RAB11FIP4: variants seen among roughly 807,000 people sequenced by gnomAD.
RAB11FIP4 encodes RAB11 family interacting protein 4, also known as rab11 family-interacting protein 4.
Under a neutral mutation model 74.3 loss-of-function variants are expected in RAB11FIP4, and 23 were observed. The ratio of observed to expected loss-of-function variants is 0.31; its 90% CI spans 0.22 to 0.44. RAB11FIP4 has a LOEUF of 0.44. Among genes scored for constraint, RAB11FIP4 ranks in the 20% least tolerant of loss-of-function variants. RAB11FIP4 has a pLI of 1.00. For synonymous variants in RAB11FIP4, 360 were observed against 359.9 expected (o/e 1.00, Z 0.00); for missense variants, 630 against 863.9 (o/e 0.73, Z 3.39).
intron 3 of RAB11FIP4, among the ~76,000 whole-genome samples, chr17:31,462,091 C>T (rs1294898070): frequency 1.3e-5 from 2 of 151,990 alleles, no homozygotes; most frequent in Admixed American, 1.3e-4. Flanking sequence ...ATGAAACCCC[C>T]ATCTCTACTA....
At chr17:31,430,784 G>A (rs571518609) in intron 1 of RAB11FIP4, among the ~76,000 whole-genome samples, 3 of 152,282 alleles carry the variant, frequency 2.0e-5, no homozygotes, top group African/African-American at 7.2e-5. Flanking sequence ...CTATGACCAG[G>A]TGGGGCTCCT....
At chr17:31,418,317 G>A (rs1225180644) in intron 1 of RAB11FIP4, among the ~76,000 whole-genome samples, 1 of 152,156 alleles carries the variant, frequency 6.6e-6, no homozygotes, top group Admixed American at 6.5e-5. Flanking sequence ...GAACCCGGGA[G>A]GCGGAGGTTG....
chr17:31,488,015 A>T lies in RAB11FIP4; in HGVS notation c.337-29636A>T, dbSNP rs903962958. 160 of 1,002,682 alleles carry T rather than the reference A, an allele frequency of 1.6e-4. No individual in the cohort carries two copies. The African/African-American group carries it at 2.7e-3, about 17-fold the overall frequency. The allele number at this position is 1,002,682 out of a possible 1,614,324, so 62.1% of individuals were successfully genotyped here. On this transcript the variant is annotated intron_variant, in intron 3 of 14. Coordinates refer to ENST00000621161, the MANE Select transcript of RAB11FIP4 (RefSeq NM_032932.6). The stretch of plus-strand genomic sequence containing the variant: ...GCCCCGCCCCCGAGTCCCGGGGCCC[A>T]GGCGCCTCGTGATGTCACCGCAGCT...
At chr17:31,511,483 C>T (rs1029409171) in intron 3 of RAB11FIP4, among the ~76,000 whole-genome samples, 1 of 152,220 alleles carries the variant, frequency 6.6e-6, no homozygotes, top group Non-Finnish European at 1.5e-5. Flanking sequence ...CATCATACTG[C>T]AGTACAGTAT....
At chr17:31,412,965 A>G (rs1189669191) in intron 1 of RAB11FIP4, among the ~76,000 whole-genome samples, 2 of 152,202 alleles carry the variant, frequency 1.3e-5, no homozygotes, top group Non-Finnish European at 2.9e-5. Context: ...TTCCCAGAAC[A>G]AGTCGCCCTT....
intron 1 of RAB11FIP4, among the ~76,000 whole-genome samples, chr17:31,417,167 C>T (rs2071156122): frequency 6.6e-6 from 1 of 152,080 alleles, no homozygotes; most frequent in Non-Finnish European, 1.5e-5. Flanking sequence ...TGCAACTGGT[C>T]CTGGGATTTA....
intron 3 of RAB11FIP4, among the ~76,000 whole-genome samples, chr17:31,516,689 T>C (rs879256166): frequency 9.0e-4 from 137 of 152,316 alleles, no homozygotes; most frequent in African/African-American, 2.8e-3. Flanking sequence ...AGGGTGATCT[T>C]GATCTCCTGA....
intron 4 of RAB11FIP4, 38 bp from the exon 5 acceptor site, chr17:31,521,128 T>C: frequency 6.8e-7 from 1 of 1,462,744 alleles, no homozygotes; most frequent in Non-Finnish European, 9.2e-7. Flanking sequence ...TGGGGACCCA[T>C]GAGTCCTCCT....
At chr17:31,511,835 A>C (rs1214619912) in intron 3 of RAB11FIP4, among the ~76,000 whole-genome samples, 1 of 152,224 alleles carries the variant, frequency 6.6e-6, no homozygotes, top group Admixed American at 6.5e-5. Flanking sequence ...ATCCCTTGCC[A>C]ACTTCCTACA....
chr17:31,475,405 G>A (rs2071781380), intron 3 of RAB11FIP4, among the ~76,000 whole-genome samples: 2 of 152,240 alleles, frequency 1.3e-5, no homozygotes, highest in South Asian at 4.1e-4. Flanking sequence ...AAGCTGTCAA[G>A]ACGTGGTAGG....
intron 1 of RAB11FIP4, among the ~76,000 whole-genome samples, chr17:31,394,680 T>C (rs938326339): frequency 7.2e-5 from 11 of 152,152 alleles, no homozygotes; most frequent in Non-Finnish European, 1.3e-4. Flanking sequence ...GCATCCTACC[T>C]CTATCACTCT....
intron 1 of RAB11FIP4, among the ~76,000 whole-genome samples, chr17:31,421,869 A>G (rs2071203190): frequency 6.6e-6 from 1 of 151,992 alleles, no homozygotes; most frequent in Non-Finnish European, 1.5e-5. Flanking sequence ...CAAGACATAC[A>G]TTTATAATTT....
chr17:31,499,480 C>T (rs28555279), intron 3 of RAB11FIP4, among the ~76,000 whole-genome samples: 1 of 151,986 alleles, frequency 6.6e-6, no homozygotes, highest in Admixed American at 6.6e-5. Flanking sequence ...CTCCGCCTCC[C>T]GAGTAGCTGG....
intron 3 of RAB11FIP4, among the ~76,000 whole-genome samples, chr17:31,486,166 G>A (rs772061304): frequency 7.9e-5 from 12 of 152,126 alleles, no homozygotes; most frequent in Middle Eastern, 6.8e-3. Flanking sequence ...CCCAGGAGGC[G>A]GAGGTTGCAG....
At chr17:31,400,100 A>C (rs1255069867) in intron 1 of RAB11FIP4, among the ~76,000 whole-genome samples, 1 of 152,100 alleles carries the variant, frequency 6.6e-6, no homozygotes, top group Non-Finnish European at 1.5e-5. Flanking sequence ...CTGTGTGCCA[A>C]CCCTGCCCTG....
intron 3 of RAB11FIP4, among the ~76,000 whole-genome samples, chr17:31,481,622 T>G (rs8066542): frequency 0.036 from 5,464 of 152,100 alleles, 309 homozygotes; most frequent in African/African-American, 0.12. Flanking sequence ...ACGAAGTTTT[T>G]CTCCTTGCTC....
intron 4 of RAB11FIP4, among the ~76,000 whole-genome samples, chr17:31,519,815 AG>A (rs2072628551): frequency 6.6e-6 from 1 of 152,058 alleles, no homozygotes; most frequent in Admixed American, 6.5e-5. Context: ...GATGGAGAAG[AG>A]GGGCCGTGCT....
chr17:31,413,399 C>T (rs75378059), intron 1 of RAB11FIP4, among the ~76,000 whole-genome samples: 4,090 of 152,134 alleles, frequency 0.027, 169 homozygotes, highest in African/African-American at 0.091. Context: ...GGGCCTCACA[C>T]GGAGGGCACG....
intron 1 of RAB11FIP4, among the ~76,000 whole-genome samples, chr17:31,430,325 C>T (rs2071296137): frequency 6.7e-6 from 1 of 148,760 alleles, no homozygotes; most frequent in African/African-American, 2.5e-5. Flanking sequence ...TCACATGGGG[C>T]CTTGTGGGCC....
Sources: allele counts gnomAD v4.1 joint callset (sites outside exome capture counted in the v4.1 genomes callset), GRCh38; gene constraint gnomAD v4.1.1; transcripts MANE v1.5; gene names NCBI Gene and HGNC (gene_info 2026-07-23, HGNC 2026-07-21).